ISM1: variants seen among roughly 807,000 people sequenced by gnomAD.
ISM1 encodes the protein isthmin 1.
Under a neutral mutation model 46.3 loss-of-function variants are expected in ISM1, and 25 were observed. The observed-to-expected ratio is 0.54, with a 90% CI of 0.39 to 0.75. ISM1 has a LOEUF of 0.75. Among genes scored for constraint, ISM1 ranks in the 30% least tolerant of loss-of-function variants. The pLI, the probability that ISM1 is intolerant of heterozygous loss-of-function variation, is 0.00. For missense variants in ISM1, 536 were observed against 625.4 expected (o/e 0.86, Z 1.52); for synonymous variants, 255 against 256.7 (o/e 0.99, Z 0.06).
At chr20:13,254,595 G>C (rs1215079099) in intron 1 of ISM1, among the ~76,000 whole-genome samples, 2 of 152,144 alleles carry the variant, frequency 1.3e-5, no homozygotes, top group Non-Finnish European at 2.9e-5. Flanking sequence ...CAGGTGGCAA[G>C]AGCTGTTGGT....
chr20:13,224,947 G>A (rs1272427892), intron 1 of ISM1, among the ~76,000 whole-genome samples: 1 of 147,908 alleles, frequency 6.8e-6, no homozygotes, highest in East Asian at 2.0e-4. Context: ...CCGGGTTCAT[G>A]CCATTCTCCT....
chr20:13,291,671 C>A (rs1053904458), intron 4 of ISM1, among the ~76,000 whole-genome samples: 7 of 152,160 alleles, frequency 4.6e-5, no homozygotes, highest in Non-Finnish European at 7.4e-5. Flanking sequence ...TTCCTCAGAG[C>A]AAATTATGAG....
At chr20:13,224,146 A>G (rs1461084203) in intron 1 of ISM1, among the ~76,000 whole-genome samples, 1 of 152,180 alleles carries the variant, frequency 6.6e-6, no homozygotes, top group African/African-American at 2.4e-5. Context: ...GCTTCAGCTT[A>G]TCTTGTAATA....
intron 2 of ISM1, among the ~76,000 whole-genome samples, chr20:13,278,489 G>C (rs1234872778): frequency 2.0e-5 from 3 of 152,174 alleles, no homozygotes; most frequent in Non-Finnish European, 4.4e-5. Flanking sequence ...TTGGTCTCAT[G>C]AGGAGACAGT....
At chr20:13,274,447 C>A (rs2123264659) in intron 2 of ISM1, among the ~76,000 whole-genome samples, 1 of 152,282 alleles carries the variant, frequency 6.6e-6, no homozygotes. Context: ...CTCATCTGCC[C>A]CTTCCCCTGG....
chr20:13,263,024 T>C (rs982717427), intron 1 of ISM1, among the ~76,000 whole-genome samples: 2 of 152,188 alleles, frequency 1.3e-5, no homozygotes, highest in South Asian at 4.1e-4. Flanking sequence ...GAGCCCATGA[T>C]GTACCTGTGT....
chr20:13,311,251 A>AGATAGATAGATAGATAGAT, the ISM1 span, among the ~76,000 whole-genome samples: 9 of 127,596 alleles, frequency 7.1e-5, no homozygotes, highest in African/African-American at 1.6e-4. Context: ...GATGATAGAT[A>AGATAGATAGATAGATAGAT]GATAGATAGA....
intron 1 of ISM1, chr20:13,244,125 T>C (rs1280531996): frequency 6.6e-6 from 1 of 152,232 alleles, no homozygotes; most frequent in Non-Finnish European, 1.5e-5. Context: ...TGCTATCCTC[T>C]CTTTTGTTCA....
At position 13,286,653 on chromosome 20, in the gene ISM1, AC is replaced by A. The variant is rs560461785; in HGVS notation, c.644-1881del. ...GGAGGAGGACACAACCATGAAATCC[AC>A]CCCCCACCACCCCGCTCCTCCAATT... On this transcript the variant is annotated intron_variant, in intron 3 of 5. Coordinates refer to ENST00000262487, the MANE Select transcript of ISM1 (RefSeq NM_080826.2). Among the ~76,000 whole-genome samples the A allele has an allele frequency of 8.6e-5, 13 of 151,560 alleles. No individual in the cohort carries two copies. In the South Asian group the frequency reaches 2.7e-3, roughly 32 times the overall value.
chr20:13,306,564 CAAAAAAAA>C, the ISM1 span, among the ~76,000 whole-genome samples: 6 of 63,910 alleles, frequency 9.4e-5, no homozygotes, highest in East Asian at 5.3e-4. Flanking sequence ...GGAGAAAGGA[CAAAAAAAA>C]AAAAAAAAAA....
At chr20:13,295,939 G>T (rs1256991789) in intron 5 of ISM1, among the ~76,000 whole-genome samples, 1 of 152,212 alleles carries the variant, frequency 6.6e-6, no homozygotes, top group African/African-American at 2.4e-5. Flanking sequence ...GGACACTTGT[G>T]GCTGTCACAC....
At chr20:13,248,838 G>A (rs1488531541) in intron 1 of ISM1, among the ~76,000 whole-genome samples, 1 of 152,174 alleles carries the variant, frequency 6.6e-6, no homozygotes, top group African/African-American at 2.4e-5. Context: ...ATTTCTATCT[G>A]CAAAACCGAG....
rs756643157 is a variant in ISM1, at chr20:13,299,893, G to A, written c.*434G>A. On this transcript the variant is annotated 3_prime_UTR_variant, in exon 6 of 6. Transcript: ENST00000262487. This position sits in a 1 kb window ranked among gnomAD's most constrained non-coding sequence, Gnocchi z 5.8. ...CTTAATTAAGCGTAACCTTTTCTCT[G>A]GAGTTGTGGTGAAACTAATCACGTC... is the stretch of plus-strand genomic sequence containing the variant. The A allele has an allele frequency of 1.3e-4, 20 of 156,644 alleles. No homozygotes were observed. Among genetic ancestry groups the A allele is most frequent in the Non-Finnish European group, 2.1e-4 (15 of 70,802 alleles). The allele number at this position is 156,644 out of a possible 1,614,324, so 9.7% of individuals were successfully genotyped here. A position where few individuals can be genotyped will look rare whatever the true frequency, so the allele number is the denominator to read the frequency against.
At chr20:13,267,582 G>C (rs1332599876) in intron 1 of ISM1, among the ~76,000 whole-genome samples, 1 of 152,106 alleles carries the variant, frequency 6.6e-6, no homozygotes, top group African/African-American at 2.4e-5. Context: ...AGAGTTTAAG[G>C]GGTTTGCTTG....
intron 3 of ISM1, among the ~76,000 whole-genome samples, chr20:13,281,421 C>T: frequency 6.6e-6 from 1 of 152,196 alleles, no homozygotes; most frequent in African/African-American, 2.4e-5. Context: ...TAATAGCCAA[C>T]ATTTAAATAG....
At chr20:13,242,797 G>T in intron 1 of ISM1, among the ~76,000 whole-genome samples, 1 of 152,122 alleles carries the variant, frequency 6.6e-6, no homozygotes, top group Admixed American at 6.5e-5. Flanking sequence ...TAAGACATCG[G>T]GTTCCTTACT....
At chr20:13,264,984 TCA>T (rs2040027174) in intron 1 of ISM1, among the ~76,000 whole-genome samples, 1 of 152,152 alleles carries the variant, frequency 6.6e-6, no homozygotes, top group Non-Finnish European at 1.5e-5. Flanking sequence ...AGTGGACAAG[TCA>T]CAGCGCAGTG....
chr20:13,297,782 G>GC (rs771431232), intron 5 of ISM1, among the ~76,000 whole-genome samples: 2 of 152,176 alleles, frequency 1.3e-5, no homozygotes, highest in Non-Finnish European at 2.9e-5. Flanking sequence ...TTAAATATAG[G>GC]CAACTAATCA....
At chr20:13,262,328 C>T (rs984840475) in intron 1 of ISM1, among the ~76,000 whole-genome samples, 4 of 152,302 alleles carry the variant, frequency 2.6e-5, no homozygotes, top group African/African-American at 9.6e-5. Context: ...AAGCCTTGCC[C>T]TTAACTGGAT....
Sources: gnomAD v4.1 joint callset for allele counts (sites outside exome capture counted in the v4.1 genomes callset) on GRCh38, gnomAD v4.1.1 for gene constraint, Gnocchi (gnomAD v3.1) non-coding constraint, MANE v1.5 for transcripts, NCBI Gene and HGNC (gene_info 2026-07-23, HGNC 2026-07-21) for gene names.